OSBPL10: variants seen among roughly 807,000 people sequenced by gnomAD.
OSBPL10 encodes oxysterol binding protein like 10.
Under a neutral mutation model 81.7 loss-of-function variants are expected in OSBPL10, and 49 were observed. The ratio of observed to expected loss-of-function variants is 0.60; its 90% confidence interval spans 0.48 to 0.76. The LOEUF (loss-of-function observed/expected upper bound fraction) is 0.76. OSBPL10 is among the 30% of genes least tolerant of loss of function. The pLI is 0.00. For synonymous variants in OSBPL10, 419 were observed against 383.6 expected (o/e 1.09, Z -1.08); for missense variants, 923 against 987.8 (o/e 0.93, Z 0.88).
chr3:31,893,424 G>C (rs1005755774), intron 1 of OSBPL10, among the ~76,000 whole-genome samples: 1 of 152,178 alleles, frequency 6.6e-6, no homozygotes, highest in Non-Finnish European at 1.5e-5. Context: ...AAATGGTAAG[G>C]ATATGGAGAA....
At chr3:32,059,787 C>T (rs1432495681) in intron 1 of OSBPL10, among the ~76,000 whole-genome samples, 1 of 151,718 alleles carries the variant, frequency 6.6e-6, no homozygotes, top group Non-Finnish European at 1.5e-5. Flanking sequence ...TGGCACATGC[C>T]TGTAGTCCCA....
intron 5 of OSBPL10, among the ~76,000 whole-genome samples, chr3:31,741,304 C>T (rs1697341930): frequency 6.6e-6 from 1 of 152,230 alleles, no homozygotes; most frequent in Non-Finnish European, 1.5e-5. Context: ...CTCGCTCTGT[C>T]ACTAGGCTGG....
At chr3:31,941,774 T>C (rs1010512487) in intron 1 of OSBPL10, among the ~76,000 whole-genome samples, 2 of 152,222 alleles carry the variant, frequency 1.3e-5, no homozygotes, top group Non-Finnish European at 2.9e-5. Flanking sequence ...ATAAATTCCT[T>C]AAATATCAGG....
At chr3:31,819,081 G>A (rs1699920741) in intron 4 of OSBPL10, among the ~76,000 whole-genome samples, 1 of 152,226 alleles carries the variant, frequency 6.6e-6, no homozygotes, top group Non-Finnish European at 1.5e-5. Context: ...TAGGGTGTGG[G>A]ACAAGGAGAA....
intron 7 of OSBPL10, among the ~76,000 whole-genome samples, chr3:31,699,972 G>A (rs1695843929): frequency 6.6e-6 from 1 of 152,178 alleles, no homozygotes; most frequent in Admixed American, 6.5e-5. Flanking sequence ...CAACTGCCAA[G>A]AAGAGAAAAG....
rs117327422 is a variant in OSBPL10 at position 31,848,422 on chromosome 3, T to A, written c.538-18191A>T. Among the ~76,000 whole-genome samples the A allele has an allele frequency of 8.5e-5, 13 of 152,132 alleles. No homozygotes were observed. The East Asian group carries it at 2.5e-3, about 30-fold the overall frequency. On this transcript the variant is annotated intron_variant, in intron 3 of 11. Transcript: ENST00000396556. The stretch of plus-strand genomic sequence containing the variant: ...TGTTTTGTGAGTCTCATCTCAAACA[T>A]GAAGAACATGAATTCCATTATCTGG...
In OSBPL10 at chr3:32,068,211, C is replaced by T. The variant is rs1052969540; in HGVS notation, n.185+9185G>A. On this transcript the variant is annotated intron_variant and non_coding_transcript_variant, in intron 1 of 3. Coordinates refer to the OSBPL10 transcript ENST00000479173. Reference sequence around the variant, plus strand: ...GTGGACCCAAAACTCCGGCGCCAGTCACGGACTCGGGAAGACAGTCTTCCC... The same window carrying T: ...GTGGACCCAAAACTCCGGCGCCAGTTACGGACTCGGGAAGACAGTCTTCCC... Among the ~76,000 whole-genome samples the T allele has an allele frequency of 1.3e-4, 20 of 152,326 alleles. No individual in the cohort carries two copies. The Middle Eastern group carries it at 0.01, about 78-fold the overall frequency.
chr3:31,889,612 C>A lies in OSBPL10; in HGVS notation c.282-9782G>T, dbSNP rs150799946. Among the ~76,000 whole-genome samples, 23 of 151,880 alleles carry A rather than the reference C, an allele frequency of 1.5e-4. No homozygotes were observed. In the East Asian group the frequency reaches 4.5e-3, roughly 29 times the overall value. ...GGAAACTTAAAAAAAAAAAATTGAC[C>A]TCCTAGAAATAAAAAGTAGAATAGA... On this transcript the variant is annotated intron_variant, in intron 1 of 11. Transcript: ENST00000396556.
chr3:31,681,480 T>C (rs943144514), intron 8 of OSBPL10, among the ~76,000 whole-genome samples: 27 of 152,182 alleles, frequency 1.8e-4, no homozygotes, highest in Non-Finnish European at 5.9e-5. Flanking sequence ...CTCTTGACTT[T>C]ATTCTAGTCA....
At chr3:31,979,057 G>C (rs1407659146) in intron 1 of OSBPL10, among the ~76,000 whole-genome samples, 1 of 152,148 alleles carries the variant, frequency 6.6e-6, no homozygotes. Context: ...TGAAGAAAAA[G>C]CATTAAGTGA....
At chr3:31,981,707 G>T (rs1698849304), upstream of OSBPL10, 1 of 147,136 alleles carries the variant, frequency 6.8e-6, no homozygotes, top group Non-Finnish European at 1.5e-5. This position sits in a 1 kb window ranked among gnomAD's most constrained non-coding sequence, Gnocchi z 4.5. Flanking sequence ...CCACCCACCC[G>T]GTCCACCCGG....
rs1040468933 is a variant in OSBPL10 at position 31,827,069 on chromosome 3, T to C, written c.729+2971A>G. Among the ~76,000 whole-genome samples, 5 of 152,124 alleles carry C rather than the reference T, an allele frequency of 3.3e-5. No individual in the cohort carries two copies. The East Asian group carries it at 7.7e-4, about 23-fold the overall frequency. ...GCCAAACCAAATGGCTATAGAGGCATTTCATCTACTTTTTCTTTTTTCTTT... is the reference window on the plus strand; with the variant it reads ...GCCAAACCAAATGGCTATAGAGGCACTTCATCTACTTTTTCTTTTTTCTTT... On this transcript the variant is annotated intron_variant, in intron 4 of 11. Transcript: ENST00000396556.
chr3:31,860,677 GT>G (rs1282188854), intron 3 of OSBPL10, among the ~76,000 whole-genome samples: 3 of 151,946 alleles, frequency 2.0e-5, no homozygotes, highest in African/African-American at 7.3e-5. Context: ...TCTGTTTTTT[GT>G]TGTTGTTGTT....
chr3:31,886,754 A>G (rs1008264816), intron 1 of OSBPL10, among the ~76,000 whole-genome samples: 16 of 152,080 alleles, frequency 1.1e-4, no homozygotes, highest in Non-Finnish European at 1.5e-5. Flanking sequence ...AGCCTGGCCA[A>G]TATGGTGAAA....
chr3:32,012,209 A>C (rs1486927815), intron 2 of OSBPL10, among the ~76,000 whole-genome samples: 1 of 152,216 alleles, frequency 6.6e-6, no homozygotes, highest in African/African-American at 2.4e-5. Flanking sequence ...TCGGGTTACC[A>C]CAAAGGGAAG....
chr3:32,029,864 T>G (rs149337763), intron 2 of OSBPL10, among the ~76,000 whole-genome samples: 1 of 152,222 alleles, frequency 6.6e-6, no homozygotes, highest in African/African-American at 2.4e-5. Context: ...AGCTTCTTTA[T>G]GTCTCTCATA....
At chr3:31,769,458 AC>A (rs1345786264) in intron 4 of OSBPL10, among the ~76,000 whole-genome samples, 1,242 of 88,736 alleles carry the variant, frequency 0.014, 280 homozygotes, top group African/African-American at 0.038. Flanking sequence ...AAAAAAAAAA[AC>A]AAAAAAAAAA....
chr3:31,965,755 T>C (rs1407813971), intron 1 of OSBPL10, among the ~76,000 whole-genome samples: 2 of 69,004 alleles, frequency 2.9e-5, no homozygotes, highest in Non-Finnish European at 4.8e-5. Context: ...TAATATATAT[T>C]ATATTAAAAG....
intron 4 of OSBPL10, among the ~76,000 whole-genome samples, chr3:31,827,028 A>C (rs955690591): frequency 6.6e-6 from 1 of 152,272 alleles, no homozygotes; most frequent in East Asian, 1.9e-4. Context: ...ATATACTGTC[A>C]CCCAAGAGTA....
Sources: gnomAD v4.1 joint callset for allele counts (sites outside exome capture counted in the v4.1 genomes callset) on GRCh38, gnomAD v4.1.1 for gene constraint, Gnocchi (gnomAD v3.1) non-coding constraint, MANE v1.5 for transcripts, NCBI Gene and HGNC (gene_info 2026-07-23, HGNC 2026-07-21) for gene names.